The following TBCD variants were observed in gnomAD, a reference collection of about 807,000 sequenced individuals.
TBCD encodes tubulin-specific chaperone D.
A neutral mutation model predicts 169.3 loss-of-function variants in TBCD; 105 were observed. That is an observed-to-expected ratio of 0.62 (90% CI 0.53 to 0.73). TBCD has a LOEUF of 0.73. Among genes scored for constraint, TBCD ranks in the 30% least tolerant of loss-of-function variants. The pLI, the probability that TBCD is intolerant of heterozygous loss-of-function variation, is 0.00. For synonymous variants in TBCD, 700 were observed against 643.9 expected (o/e 1.09, Z -1.32); for missense variants, 1,444 against 1,600.1 (o/e 0.90, Z 1.66).
chr17:82,813,210 C>CTGT (rs2051583337), intron 12 of TBCD, among the ~76,000 whole-genome samples: 1 of 152,182 alleles, frequency 6.6e-6, no homozygotes, highest in Non-Finnish European at 1.5e-5. Flanking sequence ...TACATTAGTG[C>CTGT]TGTTCCCCTT....
chr17:82,931,552 C>T (rs535410462), intron 33 of TBCD, among the ~76,000 whole-genome samples: 1 of 152,226 alleles, frequency 6.6e-6, no homozygotes, highest in South Asian at 2.1e-4. Context: ...GCTGACCAGT[C>T]GTGTCTGTTG....
At chr17:82,858,357 T>G (rs2056487807) in intron 13 of TBCD, among the ~76,000 whole-genome samples, 1 of 152,218 alleles carries the variant, frequency 6.6e-6, no homozygotes, top group South Asian at 2.1e-4. Context: ...AATGAACATC[T>G]TTCTACCTGG....
intron 6 of TBCD, among the ~76,000 whole-genome samples, chr17:82,778,676 G>A (rs1445462454): frequency 1.3e-5 from 2 of 150,880 alleles, no homozygotes; most frequent in Non-Finnish European, 2.9e-5. Flanking sequence ...TTGTTGCCCA[G>A]GCTGGAGTGC....
intron 14 of TBCD, among the ~76,000 whole-genome samples, chr17:82,873,364 G>T (rs1444040770): frequency 6.6e-6 from 1 of 152,180 alleles, no homozygotes; most frequent in Non-Finnish European, 1.5e-5. Context: ...TCACCTGGGA[G>T]GGTGTCTAGG....
At chr17:82,785,967 G>A (rs531378803) in intron 7 of TBCD, among the ~76,000 whole-genome samples, 1 of 152,334 alleles carries the variant, frequency 6.6e-6, no homozygotes, top group East Asian at 1.9e-4. Flanking sequence ...AAATGACAAT[G>A]TTGGCACCTA....
chr17:82,863,947 C>T (rs773903736), intron 13 of TBCD, among the ~76,000 whole-genome samples: 10 of 152,204 alleles, frequency 6.6e-5, no homozygotes, highest in East Asian at 5.8e-4. Context: ...AGCGGCAGTC[C>T]GACGTGCAGT....
rs914214923 is a variant in TBCD at position 82,907,872 on chromosome 17, C to T, written c.1983+51C>T. On this transcript the variant is annotated intron_variant, in intron 21 of 38. Coordinates refer to ENST00000355528, the MANE Select transcript of TBCD (RefSeq NM_005993.5). ...CCTCAGGAGGCATCACAGGACCTGC[C>T]CCCTTAGGGCCTCCCACCCTCCCCA... 6 of 1,578,498 alleles carry T rather than the reference C, an allele frequency of 3.8e-6. No homozygotes were observed. The African/African-American group carries it at 5.4e-5, about 14-fold the overall frequency.
intron 8 of TBCD, among the ~76,000 whole-genome samples, chr17:82,800,533 G>C (rs1480223264): frequency 6.6e-6 from 1 of 151,568 alleles, no homozygotes; most frequent in Non-Finnish European, 1.5e-5. Context: ...TGGTCTCTGT[G>C]GCCGCAGGAT....
intron 33 of TBCD, chr17:82,932,165 C>A (rs2062261975): frequency 9.2e-6 from 2 of 218,200 alleles, no homozygotes; most frequent in South Asian, 1.3e-4. Context: ...CTTGCCTAAT[C>A]CGTGGTCACT....
Position 82,923,060 on chromosome 17 carries a change from G to T in TBCD, c.2179-592G>T, listed in dbSNP as rs1568051365. On this transcript the variant is annotated intron_variant, in intron 25 of 38. Transcript: ENST00000355528. The surrounding 1 kb of genome is among the most constrained non-coding windows in gnomAD (Gnocchi z 4.6). ...CTCCTGCTGTCCGGCCCCAACTCCT[G>T]TTCCCAGTGCGCCCCCGGAGCCCTG... is the stretch of plus-strand genomic sequence containing the variant. Among the ~76,000 whole-genome samples, 1 of 152,224 alleles carries T rather than the reference G, an allele frequency of 6.6e-6. No homozygotes were observed. The highest frequency in any genetic ancestry group is 2.4e-5 in the African/African-American group (1 of 41,462).
intron 13 of TBCD, chr17:82,830,973 A>T: frequency 6.2e-7 from 1 of 1,613,610 alleles, no homozygotes; most frequent in Non-Finnish European, 8.5e-7. Context: ...CATGGAACCC[A>T]ACCAGAAACA....
rs758000162 is a variant in TBCD at position 82,900,664 on chromosome 17, G to A, written c.1663G>A (p.Gly555Ser). The part of the protein sequence containing the change: ...CFLVISVFIA[G>S]FPEYTQPMID... Reference sequence around the variant, plus strand: ...TGTCTTTTCCAGTGTGTTTATTGCCGGCTTTCCTGAGTACACGCAGCCAAT... The same window carrying A: ...TGTCTTTTCCAGTGTGTTTATTGCCAGCTTTCCTGAGTACACGCAGCCAAT... Residue 555 changes from glycine (G) to serine (S), a missense_variant, in exon 18 of 39, where the codon GGC becomes AGC. Gly to Ser is a moderately conservative substitution (Grantham distance 56). Coordinates refer to ENST00000355528, the MANE Select transcript of TBCD (RefSeq NM_005993.5). 24 of 1,613,704 alleles carry A rather than the reference G, an allele frequency of 1.5e-5. No homozygotes were observed. Among genetic ancestry groups the A allele is most frequent in the East Asian group, 2.2e-5 (1 of 44,880 alleles).
intron 23 of TBCD, among the ~76,000 whole-genome samples, chr17:82,919,045 G>A (rs1402273977): frequency 6.6e-6 from 1 of 152,186 alleles, no homozygotes; most frequent in Non-Finnish European, 1.5e-5. Flanking sequence ...TTTAGGAGAC[G>A]TTGTAGGACA....
intron 13 of TBCD, among the ~76,000 whole-genome samples, chr17:82,846,771 C>T (rs1598896663): frequency 6.6e-6 from 1 of 152,198 alleles, no homozygotes; most frequent in South Asian, 2.1e-4. Context: ...CCTGCAGGCC[C>T]CTGTGTTTTG....
At chr17:82,798,068 C>G (rs2050237885) in intron 8 of TBCD, among the ~76,000 whole-genome samples, 1 of 147,098 alleles carries the variant, frequency 6.8e-6, no homozygotes, top group Admixed American at 7.0e-5. Context: ...CCTCCGCGTC[C>G]TGGGTTCAAG....
chr17:82,765,398 C>T lies in TBCD; in HGVS notation c.334-869C>T, dbSNP rs555237525. ...ATAGTCTGCTTTTCTTACAAGCTTGCGGGTGTCTGTGCTCATAGTCTGCTT... is the reference window on the plus strand; with the variant it reads ...ATAGTCTGCTTTTCTTACAAGCTTGTGGGTGTCTGTGCTCATAGTCTGCTT... On this transcript the variant is annotated intron_variant, in intron 3 of 38. Coordinates refer to ENST00000355528, the MANE Select transcript of TBCD (RefSeq NM_005993.5). Among the ~76,000 whole-genome samples the T allele has an allele frequency of 1.9e-4, 22 of 117,568 alleles. 2 individuals carry two copies. The highest frequency in any genetic ancestry group is 1.7e-3 in the Admixed American group (20 of 11,564). The allele number at this position is 117,568 out of a possible 152,430, so 77.1% of individuals were successfully genotyped here.
intron 7 of TBCD, among the ~76,000 whole-genome samples, chr17:82,794,126 C>G (rs527509268): frequency 6.6e-6 from 1 of 152,330 alleles, no homozygotes; most frequent in Non-Finnish European, 1.5e-5. Context: ...GGTGGAGTTG[C>G]TTTTCTTGGC....
chr17:82,920,437 G>A lies in TBCD; in HGVS notation c.2039-119G>A. ...TCCAGCCCTGGCAGCAGGGTAGGTT[G>A]GGCGGGTGAGGGGCAGGAGCTGGCC... is the stretch of plus-strand genomic sequence containing the variant. On this transcript the variant is annotated intron_variant, in intron 23 of 38. Transcript: ENST00000355528. The surrounding 1 kb of genome is among the most constrained non-coding windows in gnomAD (Gnocchi z 4.1). 1 of 805,612 alleles carries A rather than the reference G, an allele frequency of 1.2e-6. No individual in the cohort carries two copies. Among genetic ancestry groups the A allele is most frequent in the Non-Finnish European group, 2.0e-6 (1 of 501,032 alleles). 49.9% of individuals were successfully genotyped at this position (805,612 alleles called of 1,614,324 possible).
intron 1 of TBCD, among the ~76,000 whole-genome samples, 168 bp from the exon 2 acceptor site, chr17:82,755,997 C>T (rs1297891260): frequency 6.6e-6 from 1 of 152,088 alleles, no homozygotes; most frequent in Non-Finnish European, 1.5e-5. Context: ...GGCATTCCCT[C>T]CAGGTGGCCT....
Sources: allele counts gnomAD v4.1 joint callset (sites outside exome capture counted in the v4.1 genomes callset), GRCh38; gene constraint gnomAD v4.1.1; non-coding constraint Gnocchi (gnomAD v3.1); transcripts MANE v1.5; gene names NCBI Gene and HGNC (gene_info 2026-07-23, HGNC 2026-07-21).